Variants in ENTREP2 observed in about 807,000 individuals in gnomAD.
ENTREP2 encodes endosomal transmembrane epsin interactor 2.
the ENTREP2 span, among the ~76,000 whole-genome samples, chr15:29,671,763 G>C: frequency 1.3e-5 from 2 of 152,100 alleles, no homozygotes; most frequent in Non-Finnish European, 1.5e-5. Context: ...ACCTCTCTGG[G>C]GTCCTTGTGG....
chr15:29,432,425 C>T, the ENTREP2 span, among the ~76,000 whole-genome samples: 1 of 152,184 alleles, frequency 6.6e-6, no homozygotes, highest in Non-Finnish European at 1.5e-5. Context: ...ACCATCCTGG[C>T]CTGGGCTTAA....
chr15:29,186,971 T>C, the ENTREP2 span, among the ~76,000 whole-genome samples: 3 of 152,174 alleles, frequency 2.0e-5, no homozygotes, highest in Non-Finnish European at 4.4e-5. Flanking sequence ...ACCATCTGTG[T>C]TCCCATTACC....
the ENTREP2 span, among the ~76,000 whole-genome samples, chr15:29,472,446 C>CAT: frequency 6.8e-6 from 1 of 147,510 alleles, no homozygotes; most frequent in African/African-American, 2.6e-5. Flanking sequence ...CACACACACA[C>CAT]ACACACACAC....
At chr15:29,281,443 A>G in the ENTREP2 span, among the ~76,000 whole-genome samples, 1 of 151,190 alleles carries the variant, frequency 6.6e-6, no homozygotes, top group South Asian at 2.1e-4. Flanking sequence ...CTTGCTCTTA[A>G]AAAAGAAGAT....
chr15:29,401,508 G>T, the ENTREP2 span, among the ~76,000 whole-genome samples: 2 of 152,202 alleles, frequency 1.3e-5, no homozygotes, highest in Non-Finnish European at 2.9e-5. Context: ...AAAACCCAGT[G>T]ATGGCAAAGG....
chr15:29,305,345 G>A, the ENTREP2 span, among the ~76,000 whole-genome samples: 2 of 152,222 alleles, frequency 1.3e-5, no homozygotes, highest in Non-Finnish European at 2.9e-5. Context: ...GAACTGGGGA[G>A]TGACATGAGG....
the ENTREP2 span, among the ~76,000 whole-genome samples, chr15:29,208,477 G>A: frequency 6.6e-6 from 1 of 152,188 alleles, no homozygotes; most frequent in East Asian, 1.9e-4. Flanking sequence ...CCCAGTGGCA[G>A]GGGAAGCAAT....
the ENTREP2 span, among the ~76,000 whole-genome samples, chr15:29,478,593 T>C: frequency 6.6e-6 from 1 of 151,932 alleles, no homozygotes; most frequent in Non-Finnish European, 1.5e-5. Context: ...TATTGAGTTC[T>C]TGCACGATCT....
chr15:29,288,449 A>G, the ENTREP2 span, among the ~76,000 whole-genome samples: 20 of 152,288 alleles, frequency 1.3e-4, 1 homozygote, highest in South Asian at 2.9e-3. Context: ...CTCTGCCTGG[A>G]AAGTTCTTCC....
At chr15:29,495,200 C>CAA in the ENTREP2 span, among the ~76,000 whole-genome samples, 1 of 152,198 alleles carries the variant, frequency 6.6e-6, no homozygotes, top group Non-Finnish European at 1.5e-5. Flanking sequence ...CTCACCAACT[C>CAA]TTGTTATCTG....
chr15:29,196,385 G>A, the ENTREP2 span: 1 of 1,541,494 alleles, frequency 6.5e-7, no homozygotes, highest in African/African-American at 1.4e-5. Context: ...CTGTCTGTAA[G>A]GCATGGAATG....
the ENTREP2 span, among the ~76,000 whole-genome samples, chr15:29,600,439 C>CCATCATCATCATCATCATCAT: frequency 7.1e-6 from 1 of 141,800 alleles, no homozygotes; most frequent in Non-Finnish European, 1.5e-5. Context: ...TTCTCTCCCA[C>CCATCATCATCATCATCATCAT]CATCATCATC....
the ENTREP2 span, chr15:29,373,474 C>T: frequency 1.3e-5 from 2 of 152,140 alleles, no homozygotes; most frequent in African/African-American, 4.8e-5. Context: ...TAAATGCTAA[C>T]ATGGAGGCTC....
the ENTREP2 span, among the ~76,000 whole-genome samples, chr15:29,470,439 C>T: frequency 6.6e-6 from 1 of 152,224 alleles, no homozygotes; most frequent in Non-Finnish European, 1.5e-5. Flanking sequence ...TCATTCACCT[C>T]ACGCCTCCCT....
chr15:29,138,335 T>C, the ENTREP2 span, among the ~76,000 whole-genome samples: 1 of 152,194 alleles, frequency 6.6e-6, no homozygotes, highest in African/African-American at 2.4e-5. Context: ...TGCTTTTCTT[T>C]CCACCTTCAC....
At chr15:29,434,615 C>G in the ENTREP2 span, among the ~76,000 whole-genome samples, 1 of 152,156 alleles carries the variant, frequency 6.6e-6, no homozygotes, top group East Asian at 1.9e-4. Flanking sequence ...AAGAATCTCA[C>G]TCTCGCAGGT....
the ENTREP2 span, among the ~76,000 whole-genome samples, chr15:29,175,538 G>A: frequency 0.058 from 8,889 of 152,266 alleles, 884 homozygotes; most frequent in African/African-American, 0.2. Context: ...TTTGCAGTCT[G>A]AACTGATTCT....
chr15:29,654,540 C>A, the ENTREP2 span, among the ~76,000 whole-genome samples: 1,732 of 152,150 alleles, frequency 0.011, 34 homozygotes, highest in African/African-American at 0.04. Context: ...TTTAAATTCC[C>A]CATTTCTATC....
chr15:29,304,845 T>G, the ENTREP2 span, among the ~76,000 whole-genome samples: 1 of 152,164 alleles, frequency 6.6e-6, no homozygotes, highest in Non-Finnish European at 1.5e-5. Flanking sequence ...CCGTACTGAC[T>G]ATTCCCTCTG....
Sources: allele counts gnomAD v4.1 joint callset (sites outside exome capture counted in the v4.1 genomes callset), GRCh38; gene constraint gnomAD v4.1.1; transcripts MANE v1.5; gene names NCBI Gene and HGNC (gene_info 2026-07-23, HGNC 2026-07-21).